PID1: variants seen among roughly 807,000 people sequenced by gnomAD.
PID1 encodes the protein PTB-containing, cubilin and LRP1-interacting protein.
PID1 carries 10 observed loss-of-function variants against 19.1 expected under a neutral mutation model. That is an observed-to-expected ratio of 0.52 (90% CI 0.32 to 0.89). PID1 has a LOEUF of 0.89. Ranked by LOEUF, PID1 falls within the 40% of genes least tolerant of loss-of-function variation. The pLI is 0.03. For synonymous variants in PID1, 130 were observed against 116.0 expected, an observed-to-expected ratio of 1.12 and a Z score of -0.78; for missense variants, 248 against 285.3, an observed-to-expected ratio of 0.87 and a Z score of 0.94.
intron 1 of PID1, among the ~76,000 whole-genome samples, chr2:229,254,511 C>T (rs140717477): frequency 1.2e-3 from 183 of 152,282 alleles, no homozygotes; most frequent in African/African-American, 4.3e-3. Context: ...AATATACATT[C>T]TTCTATTAGG....
intron 2 of PID1, among the ~76,000 whole-genome samples, chr2:229,061,509 C>A (rs890995814): frequency 6.6e-6 from 1 of 151,940 alleles, no homozygotes; most frequent in African/African-American, 2.4e-5. Flanking sequence ...ATTACTACAA[C>A]TTTGTAATAG....
chr2:229,235,728 G>T (rs1174388800), intron 1 of PID1, among the ~76,000 whole-genome samples: 1 of 152,148 alleles, frequency 6.6e-6, no homozygotes, highest in Non-Finnish European at 1.5e-5. Flanking sequence ...ACTTCAAATG[G>T]ATGGGCTGGA....
chr2:229,086,170 T>C (rs1233209408), intron 2 of PID1, among the ~76,000 whole-genome samples: 1 of 152,130 alleles, frequency 6.6e-6, no homozygotes, highest in African/African-American at 2.4e-5. Flanking sequence ...TAAATTTCTA[T>C]TACAGAAGCT....
chr2:229,094,522 T>C (rs925641383), intron 2 of PID1, among the ~76,000 whole-genome samples: 9 of 152,036 alleles, frequency 5.9e-5, no homozygotes, highest in Non-Finnish European at 1.3e-4. Flanking sequence ...GGGCATCACA[T>C]TGCCTGACTT....
chr2:229,186,498 G>A (rs1433329838), intron 1 of PID1, among the ~76,000 whole-genome samples: 3 of 152,182 alleles, frequency 2.0e-5, no homozygotes, highest in African/African-American at 4.8e-5. Flanking sequence ...AACACAGAGT[G>A]GAAGCTGCTA....
chr2:229,217,168 G>C (rs1691865978), intron 1 of PID1, among the ~76,000 whole-genome samples: 1 of 152,262 alleles, frequency 6.6e-6, no homozygotes, highest in South Asian at 2.1e-4. Context: ...TCTACAGGGA[G>C]CCCTGTCTGA....
chr2:229,096,514 G>A (rs775419356), intron 2 of PID1, among the ~76,000 whole-genome samples: 23 of 152,272 alleles, frequency 1.5e-4, no homozygotes, highest in African/African-American at 5.3e-4. Context: ...GCTTGACCAT[G>A]TGACATAAAG....
At chr2:229,047,624 T>C (rs918813381) in intron 2 of PID1, among the ~76,000 whole-genome samples, 2 of 152,238 alleles carry the variant, frequency 1.3e-5, no homozygotes, top group African/African-American at 4.8e-5. Context: ...GGCACTGTTT[T>C]ATATGCCTAA....
rs532825501 is a variant in PID1, at chr2:229,162,222, A to T, written c.31-6258T>A. Among the ~76,000 whole-genome samples the T allele has an allele frequency of 3.9e-5, 6 of 152,332 alleles. No homozygotes were observed. The South Asian group carries it at 1.0e-3, about 26-fold the overall frequency. ...CTCTAAATCAAGCCCCATTATGCAGACGGGGTAATCGCCATGCCCTGTATA... is the reference window on the plus strand; with the variant it reads ...CTCTAAATCAAGCCCCATTATGCAGTCGGGGTAATCGCCATGCCCTGTATA... On this transcript the variant is annotated intron_variant, in intron 1 of 2. Coordinates refer to ENST00000392055, the MANE Select transcript of PID1 (RefSeq NM_001100818.2).
chr2:229,183,928 C>A (rs56337757), intron 1 of PID1, among the ~76,000 whole-genome samples: 4 of 2,110 alleles, frequency 1.9e-3, no homozygotes, highest in African/African-American at 0.011. Context: ...TATATATCCC[C>A]TATATATATC....
chr2:229,193,690 ATG>A (rs1691311816), intron 1 of PID1, among the ~76,000 whole-genome samples: 1 of 151,858 alleles, frequency 6.6e-6, no homozygotes, highest in Non-Finnish European at 1.5e-5. Context: ...GTGAGAGAGT[ATG>A]TGTGTGTGAA....
At chr2:229,195,382 CAT>C (rs1439267511) in intron 1 of PID1, among the ~76,000 whole-genome samples, 2 of 151,586 alleles carry the variant, frequency 1.3e-5, no homozygotes, top group Non-Finnish European at 3.0e-5. Flanking sequence ...TATAAACACA[CAT>C]GTATATACAT....
chr2:229,119,500 A>G (rs962490153), intron 2 of PID1, among the ~76,000 whole-genome samples: 3 of 152,198 alleles, frequency 2.0e-5, no homozygotes, highest in Admixed American at 1.3e-4. Context: ...TCTTTATTTA[A>G]AGCCATCAGT....
chr2:229,171,293 T>C (rs1024069573), intron 1 of PID1, among the ~76,000 whole-genome samples: 1 of 152,198 alleles, frequency 6.6e-6, no homozygotes, highest in Non-Finnish European at 1.5e-5. Context: ...GGGCTTCAAG[T>C]GGTCAGGAAG....
intron 1 of PID1, among the ~76,000 whole-genome samples, chr2:229,239,701 C>T (rs1325348227): frequency 1.3e-5 from 2 of 152,136 alleles, no homozygotes; most frequent in African/African-American, 4.8e-5. Flanking sequence ...ATTTAAGTCA[C>T]TAATCCTTCA....
intron 1 of PID1, among the ~76,000 whole-genome samples, chr2:229,216,589 C>T (rs886623370): frequency 6.6e-6 from 1 of 152,024 alleles, no homozygotes; most frequent in African/African-American, 2.4e-5. Context: ...TTTAAAAACA[C>T]ATGTGAGTAA....
At chr2:229,148,478 G>T (rs999847436) in intron 2 of PID1, among the ~76,000 whole-genome samples, 3 of 152,176 alleles carry the variant, frequency 2.0e-5, no homozygotes, top group Admixed American at 1.3e-4. Context: ...GGTGAAGAGG[G>T]AGGAGCAAGG....
At chr2:229,186,591 C>G (rs1197623882) in intron 1 of PID1, among the ~76,000 whole-genome samples, 1 of 152,208 alleles carries the variant, frequency 6.6e-6, no homozygotes, top group East Asian at 1.9e-4. Flanking sequence ...GGCTAGGACA[C>G]AGGGCACCAA....
chr2:229,179,149 G>C (rs976438652), intron 1 of PID1, among the ~76,000 whole-genome samples: 3 of 152,086 alleles, frequency 2.0e-5, no homozygotes, highest in African/African-American at 7.2e-5. Context: ...TCAATTCTGT[G>C]TCTCCTCATA....
Sources: gnomAD v4.1 joint callset for allele counts (sites outside exome capture counted in the v4.1 genomes callset) on GRCh38, gnomAD v4.1.1 for gene constraint, MANE v1.5 for transcripts, NCBI Gene and HGNC (gene_info 2026-07-23, HGNC 2026-07-21) for gene names.